TERB2: variants seen among roughly 807,000 people sequenced by gnomAD.
TERB2 encodes telomere repeat binding bouquet formation protein 2.
In TERB2, 26 loss-of-function variants were observed where a neutral mutation model predicts 29.8. The observed-to-expected ratio is 0.87, with a 90% CI of 0.64 to 1.21. The LOEUF is 1.21. Ranked by LOEUF, TERB2 falls within the 50% of genes most tolerant of loss-of-function variation. The pLI, the probability that TERB2 is intolerant of heterozygous loss-of-function variation, is 0.00. For synonymous variants in TERB2, 80 were observed against 90.8 expected (o/e 0.88, Z 0.68); for missense variants, 240 against 268.6 (o/e 0.89, Z 0.74).
At chr15:44,960,748 G>C (rs1230296168) in intron 3 of TERB2, among the ~76,000 whole-genome samples, 1 of 152,102 alleles carries the variant, frequency 6.6e-6, no homozygotes, top group Non-Finnish European at 1.5e-5. Context: ...GCTAGTGGCT[G>C]CCATACTGGA....
intron 3 of TERB2, among the ~76,000 whole-genome samples, chr15:44,959,897 CT>C (rs1891775318): frequency 1.3e-5 from 2 of 152,162 alleles, no homozygotes. Flanking sequence ...AAAATTATTT[CT>C]ATAAAAGAGC....
chr15:44,967,162 C>G (rs71478349), intron 5 of TERB2, among the ~76,000 whole-genome samples: 2,611 of 152,324 alleles, frequency 0.017, 49 homozygotes, highest in Non-Finnish European at 0.025. Context: ...GTATTAGGAA[C>G]AGTTTATAAG....
intron 6 of TERB2, among the ~76,000 whole-genome samples, chr15:44,976,511 G>A (rs1266170577): frequency 4.6e-5 from 7 of 152,074 alleles, no homozygotes; most frequent in South Asian, 2.1e-4. Flanking sequence ...GAAAGAGCAC[G>A]CCCAAGAAAA....
intron 6 of TERB2, among the ~76,000 whole-genome samples, chr15:44,975,636 A>G (rs1892035084): frequency 6.6e-6 from 1 of 152,010 alleles, no homozygotes; most frequent in Non-Finnish European, 1.5e-5. Context: ...GCGAGGGTAG[A>G]TGAGTGTCAG....
intron 5 of TERB2, among the ~76,000 whole-genome samples, chr15:44,971,703 C>G (rs966651619): frequency 5.3e-5 from 8 of 151,992 alleles, no homozygotes; most frequent in Non-Finnish European, 4.4e-5. Flanking sequence ...TTGCAGTAAG[C>G]CAAGACCATG....
Position 44,966,216 on chromosome 15 carries a change from CAG to C in TERB2, c.410_411del (p.Glu137AlafsTer33). On this transcript the variant is annotated frameshift_variant, in exon 5 of 7. Coordinates refer to ENST00000340827, the MANE Select transcript of TERB2 (RefSeq NM_152448.3). LOFTEE classifies it high-confidence loss of function. ...CTTAGGGAAAACAGTGAACTAGCAA[CAG>C]AGCACAAAAAAGAATTATCCAAAAG... 2.6e-6 allele frequency: 4 copies of C among 1,561,446 alleles called. No individual in the cohort carries two copies. Among genetic ancestry groups the C allele is most frequent in the Non-Finnish European group, 3.5e-6 (4 of 1,157,936 alleles).
chr15:44,962,132 G>A (rs1218791936), intron 4 of TERB2, among the ~76,000 whole-genome samples: 1 of 151,462 alleles, frequency 6.6e-6, no homozygotes, highest in African/African-American at 2.4e-5. Context: ...TTGAAAATTT[G>A]CTTCTGTTAC....
At chr15:44,966,304 TGTGTGCTTA>T in intron 5 of TERB2, 61 bp downstream of exon 5, 2 of 1,012,030 alleles carry the variant, frequency 2.0e-6, no homozygotes, top group Non-Finnish European at 2.7e-6. Flanking sequence ...GAGCACTGAT[TGTGTGCTTA>T]TCTCATTTAA....
rs34188520 is a variant in TERB2, at chr15:44,968,584, C to CTT, written c.434+2367_434+2368dup. ...CATATGGCATTTCATTTTGTTTAAC[C>CTT]TTTTTTTTTTTTTTTTTTTTTTTTT... On this transcript the variant is annotated intron_variant, in intron 5 of 6. Transcript: ENST00000340827. Among the ~76,000 whole-genome samples, 124 of 98,488 alleles carry CTT rather than the reference C, an allele frequency of 1.3e-3. 3 individuals carry two copies. The highest frequency in any genetic ancestry group is 2.1e-3 in the African/African-American group (46 of 22,372). The allele number at this position is 98,488 out of a possible 152,430, so 64.6% of individuals were successfully genotyped here.
chr15:44,964,322 A>T (rs1486214500), intron 4 of TERB2, among the ~76,000 whole-genome samples: 1 of 152,148 alleles, frequency 6.6e-6, no homozygotes, highest in African/African-American at 2.4e-5. Context: ...AGGCATCATC[A>T]TCTGAAAATA....
At chr15:44,969,800 A>G (rs1891942367) in intron 5 of TERB2, among the ~76,000 whole-genome samples, 1 of 147,862 alleles carries the variant, frequency 6.8e-6, no homozygotes, top group African/African-American at 2.6e-5. Context: ...CATGTATCAA[A>G]AAAAAAAAAA....
intron 6 of TERB2, among the ~76,000 whole-genome samples, chr15:44,977,581 A>G (rs573174471): frequency 6.6e-6 from 1 of 152,308 alleles, no homozygotes; most frequent in African/African-American, 2.4e-5. Context: ...CCTAAAGTAA[A>G]TGACCATGAT....
intron 6 of TERB2, 50 bp from the exon 7 acceptor site, chr15:44,978,439 A>G (rs376479477): frequency 2.0e-6 from 3 of 1,483,264 alleles, no homozygotes; most frequent in South Asian, 1.5e-5. Flanking sequence ...AAAAGCAAAT[A>G]GTATGAGCGG....
intron 3 of TERB2, among the ~76,000 whole-genome samples, chr15:44,959,968 ATAAG>A (rs1891776440): frequency 6.6e-6 from 1 of 152,236 alleles, no homozygotes. Flanking sequence ...AAACCTACTT[ATAAG>A]TAATAACACT....
At chr15:44,964,568 T>C (rs539175167) in intron 4 of TERB2, among the ~76,000 whole-genome samples, 10 of 152,262 alleles carry the variant, frequency 6.6e-5, no homozygotes, top group African/African-American at 2.4e-4. Context: ...CCCATTTTAG[T>C]ACACATTGGC....
At chr15:44,958,822 T>C (rs1355736959) in intron 3 of TERB2, among the ~76,000 whole-genome samples, 1 of 152,238 alleles carries the variant, frequency 6.6e-6, no homozygotes, top group African/African-American at 2.4e-5. Flanking sequence ...CAGGCTACGA[T>C]CTAATGCTTA....
At position 44,958,494 on chromosome 15, in the gene TERB2, C is replaced by T. The variant is rs376927152; in HGVS notation, c.268C>T (p.Pro90Ser). The T allele has an allele frequency of 1.7e-5, 28 of 1,612,348 alleles. No individual in the cohort carries two copies. In the African/African-American group the frequency reaches 3.6e-4, roughly 21 times the overall value. The change falls in exon 3 of 7, where the codon CCT becomes TCT. Residue 90 changes from proline (P) to serine (S), a missense_variant. By Grantham distance (74) the Pro-to-Ser change is moderately conservative (BLOSUM62 -1). Coordinates refer to ENST00000340827, the MANE Select transcript of TERB2 (RefSeq NM_152448.3). ...GGCTTTGGGTCATTTCATTCTTCCTCCTGCGTGCCTGCAAAAAGGTTAGCA... is the reference window on the plus strand; with the variant it reads ...GGCTTTGGGTCATTTCATTCTTCCTTCTGCGTGCCTGCAAAAAGGTTAGCA... The part of the protein sequence containing the change: ...SVALGHFILP[P>S]ACLQKEIRRK...
chr15:44,961,873 T>A (rs1159520837), intron 4 of TERB2, among the ~76,000 whole-genome samples: 3 of 152,046 alleles, frequency 2.0e-5, no homozygotes, highest in African/African-American at 7.2e-5. Context: ...CTAATTTTTT[T>A]ATTTTTAGTA....
chr15:44,977,712 T>C (rs1323225375), intron 6 of TERB2, among the ~76,000 whole-genome samples: 2 of 152,206 alleles, frequency 1.3e-5, no homozygotes, highest in Non-Finnish European at 2.9e-5. Flanking sequence ...ATCCTGTTGA[T>C]CTTGATGGTA....
Sources: allele counts gnomAD v4.1 joint callset (sites outside exome capture counted in the v4.1 genomes callset), GRCh38; gene constraint gnomAD v4.1.1; transcripts MANE v1.5; gene names NCBI Gene and HGNC (gene_info 2026-07-23, HGNC 2026-07-21).